The following ZFP36L1 variants were observed in gnomAD, a reference collection of about 807,000 sequenced individuals.
The protein encoded by ZFP36L1 is mRNA decay activator protein ZFP36L1.
ZFP36L1 carries 4 observed loss-of-function variants against 16.7 expected under a neutral mutation model. The ratio of observed to expected loss-of-function variants is 0.24; its 90% CI spans 0.12 to 0.55. ZFP36L1 has a LOEUF of 0.55. Among genes scored for constraint, ZFP36L1 ranks in the 20% least tolerant of loss-of-function variants. ZFP36L1 has a pLI of 0.94. For missense variants in ZFP36L1, 311 were observed against 449.2 expected (o/e 0.69, Z 2.78); for synonymous variants, 220 against 190.8 (o/e 1.15, Z -1.26).
intron 1 of ZFP36L1, among the ~76,000 whole-genome samples, chr14:68,792,097 G>A (rs1895091067): frequency 6.6e-6 from 1 of 152,112 alleles, no homozygotes; most frequent in African/African-American, 2.4e-5. Context: ...TTTCAACACT[G>A]GCTGACAAGC....
In ZFP36L1 at chr14:68,787,675, C is replaced by T. The variant is rs1020456767; in HGVS notation, c.*1858G>A. ...CCACCATCAATGTTTCTTGAAAAAA[C>T]GGGGTTTATTGATTTTTAAACTGCA... On this transcript the variant is annotated 3_prime_UTR_variant, in exon 2 of 2. Transcript: ENST00000439696. 2.6e-5 allele frequency: 4 copies of T among 152,330 alleles called. No homozygotes were observed. The highest frequency in any genetic ancestry group is 6.6e-5 in the Admixed American group (1 of 15,256). The allele number at this position is 152,330 out of a possible 1,614,324, so 9.4% of individuals were successfully genotyped here.
rs957069493 is a variant in ZFP36L1, at chr14:68,789,697, A to G, written c.853T>C (p.Ser285Pro). 1 of 1,613,958 alleles carries G rather than the reference A, an allele frequency of 6.2e-7. No individual in the cohort carries two copies. Among genetic ancestry groups the G allele is most frequent in the Non-Finnish European group, 8.5e-7 (1 of 1,179,980 alleles). The change falls in exon 2 of 2, where the codon TCC becomes CCC. Residue 285 changes from serine to proline, a missense_variant. Ser to Pro is a moderately conservative substitution (Grantham distance 74). This residue lies in a region of ZFP36L1 where 147 missense variants were observed against 192.0 expected (regional missense o/e 0.77). Coordinates refer to ENST00000439696, the MANE Select transcript of ZFP36L1 (RefSeq NM_004926.4). The surrounding 1 kb of genome is among the most constrained non-coding windows in gnomAD (Gnocchi z 4.5). ...TTFLFRPMSE[S>P]PHMFDSPPSP... The stretch of plus-strand genomic sequence containing the variant: ...GGGGGAGAGTCAAACATGTGAGGGG[A>G]CTCGGACATGGGCCGGAAGAGGAAG...
At chr14:68,791,233 C>T (rs1052739214) in intron 1 of ZFP36L1, 11 of 561,390 alleles carry the variant, frequency 2.0e-5, no homozygotes, top group Middle Eastern at 4.1e-4. Context: ...TGAGAAGATG[C>T]CTTTGCAATT....
chr14:68,792,067 T>C (rs538808932), intron 1 of ZFP36L1, among the ~76,000 whole-genome samples: 1 of 152,282 alleles, frequency 6.6e-6, no homozygotes, highest in African/African-American at 2.4e-5. Flanking sequence ...CCTGGAACAT[T>C]CCGAGTTTAA....
At chr14:68,792,819 G>A (rs2140212730) in intron 1 of ZFP36L1, 63 bp downstream of exon 1, 2 of 1,609,058 alleles carry the variant, frequency 1.2e-6, no homozygotes, top group Middle Eastern at 1.7e-4. Flanking sequence ...AAACTTTTGG[G>A]GGTTCTTTCT....
At chr14:68,792,293 A>T (rs1205242585) in intron 1 of ZFP36L1, among the ~76,000 whole-genome samples, 1 of 151,816 alleles carries the variant, frequency 6.6e-6, no homozygotes, top group Non-Finnish European at 1.5e-5. Context: ...ACGATCGGCT[A>T]TCGCGGGAAG....
intron 1 of ZFP36L1, among the ~76,000 whole-genome samples, chr14:68,792,614 C>CCCCAATCCCAGCCCTCCCCCCGAAGT (rs1895122997): frequency 6.6e-6 from 1 of 152,136 alleles, no homozygotes; most frequent in African/African-American, 2.4e-5. Flanking sequence ...CCCCCCGAAG[C>CCCCAATCCCAGCCCTCCCCCCGAAGT]CCCCGGGCTG....
At chr14:68,791,016 G>A (rs764497092) in intron 1 of ZFP36L1, 13 of 701,906 alleles carry the variant, frequency 1.9e-5, no homozygotes, top group South Asian at 1.8e-4. Flanking sequence ...TCCTTCAGAA[G>A]TGTTCCCTTC....
In ZFP36L1 at chr14:68,789,457, G is replaced by T. The variant is rs1238273578; in HGVS notation, c.*76C>A. 1.9e-6 allele frequency: 3 copies of T among 1,594,702 alleles called. No individual in the cohort carries two copies. The highest frequency in any genetic ancestry group is 4.5e-5 in the East Asian group (2 of 44,668). ...TGTAGGGCCTGTGGGGAATGGGATG[G>T]GTAGGGAGAAGAGGGTATGGGATGT... On this transcript the variant is annotated 3_prime_UTR_variant, in exon 2 of 2. Coordinates refer to ENST00000439696, the MANE Select transcript of ZFP36L1 (RefSeq NM_004926.4). This position sits in a 1 kb window ranked among gnomAD's most constrained non-coding sequence, Gnocchi z 4.5.
In ZFP36L1 at chr14:68,790,298, G is replaced by C. The variant is rs989744537; in HGVS notation, c.252C>G (p.Ser84Arg). The change falls in exon 2 of 2, where the codon AGC becomes AGG. Residue 84 changes from serine (S) to arginine (R), a missense_variant. This residue lies in a region of ZFP36L1 where 137 missense variants were observed against 142.6 expected (regional missense o/e 0.96). Transcript: ENST00000439696. ...CCGAGAAGGAGCGGTCTCGGAAGCGGCTGTCTCGCGAGCTCAGAGCGGGGG... is the reference window on the plus strand; with the variant it reads ...CCGAGAAGGAGCGGTCTCGGAAGCGCCTGTCTCGCGAGCTCAGAGCGGGGG... ...EPAPALSSRD[S>R]RFRDRSFSEG... The C allele has an allele frequency of 1.5e-5, 24 of 1,609,672 alleles. No homozygotes were observed. Among genetic ancestry groups the C allele is most frequent in the Non-Finnish European group, 2.0e-5 (23 of 1,179,244 alleles).
At chr14:68,791,550 CA>C (rs1895070216) in intron 1 of ZFP36L1, among the ~76,000 whole-genome samples, 1 of 151,646 alleles carries the variant, frequency 6.6e-6, no homozygotes, top group Admixed American at 6.6e-5. Context: ...TTAGGATCAG[CA>C]GGGGGGGACC....
upstream of ZFP36L1, chr14:68,795,953 G>A (rs1286329913): frequency 7.8e-7 from 1 of 1,281,712 alleles, no homozygotes; most frequent in Non-Finnish European, 1.1e-6. Context: ...GTGGCGGGAG[G>A]GCGGCCCTAC....
chr14:68,792,575 C>T (rs564795493), intron 1 of ZFP36L1, among the ~76,000 whole-genome samples: 1 of 152,234 alleles, frequency 6.6e-6, no homozygotes, highest in Non-Finnish European at 1.5e-5. Flanking sequence ...AAAACAGGAT[C>T]GCCCAAAACT....
rs559527536 is a variant in ZFP36L1 at position 68,788,119 on chromosome 14, T to A, written c.*1414A>T. ...AATCCAACAGTTTTTTGCATTTTTTTAAATTAATTTTTCATTTTTTTAAAA... is the reference window on the plus strand; with the variant it reads ...AATCCAACAGTTTTTTGCATTTTTTAAAATTAATTTTTCATTTTTTTAAAA... On this transcript the variant is annotated 3_prime_UTR_variant, in exon 2 of 2. Coordinates refer to ENST00000439696, the MANE Select transcript of ZFP36L1 (RefSeq NM_004926.4). The A allele has an allele frequency of 2.0e-5, 3 of 152,280 alleles. No homozygotes were observed. The highest frequency in any genetic ancestry group is 4.4e-5 in the Non-Finnish European group (3 of 68,024). The allele number at this position is 152,280 out of a possible 1,614,324, so 9.4% of individuals were successfully genotyped here.
In ZFP36L1 at chr14:68,787,930, CT is replaced by C. The variant is rs35263356; in HGVS notation, c.*1602del. On this transcript the variant is annotated 3_prime_UTR_variant, in exon 2 of 2. Transcript: ENST00000439696. ...GGCACGTGGAAGTCAAAGGGTTTCT[CT>C]TTTTTTTTTTTTCCCCTTTTAGAAG... The C allele has an allele frequency of 1.9e-3, 275 of 145,622 alleles. No individual in the cohort carries two copies. The highest frequency in any genetic ancestry group is 4.2e-3 in the African/African-American group (165 of 39,618). The allele number at this position is 145,622 out of a possible 1,614,324, so 9.0% of individuals were successfully genotyped here.
At chr14:68,792,026 A>T (rs186142854) in intron 1 of ZFP36L1, among the ~76,000 whole-genome samples, 2 of 152,358 alleles carry the variant, frequency 1.3e-5, no homozygotes, top group Admixed American at 1.3e-4. Context: ...CAACATCCAT[A>T]GACTTTTGCT....
Position 68,789,817 on chromosome 14 carries a change from C to G in ZFP36L1, c.733G>C (p.Asp245His). The G allele has an allele frequency of 6.2e-7, 1 of 1,612,550 alleles. No homozygotes were observed. The highest frequency in any genetic ancestry group is 8.5e-7 in the Non-Finnish European group (1 of 1,179,996). ...DDLLGSPTLPDGTNNPFAFSS... is the reference protein window; with the variant it reads ...DDLLGSPTLPHGTNNPFAFSS... ...AAGGCAAAAGGGTTATTGGTGCCAT[C>G]GGGCAGGGTAGGTGAGCCCAGGAGG... The change falls in exon 2 of 2, where the codon GAT (aspartate) becomes CAT (histidine). Residue 245 changes from aspartate to histidine, a missense_variant. Physicochemically the swap from Asp to His is moderately conservative, Grantham distance 81. Coordinates refer to ENST00000439696, the MANE Select transcript of ZFP36L1 (RefSeq NM_004926.4). The surrounding 1 kb of genome is among the most constrained non-coding windows in gnomAD (Gnocchi z 4.5).
chr14:68,789,922 C>T lies in ZFP36L1; in HGVS notation c.628G>A (p.Ala210Thr). 1 of 1,609,768 alleles carries T rather than the reference C, an allele frequency of 6.2e-7. No homozygotes were observed. Among genetic ancestry groups the T allele is most frequent in the South Asian group, 1.1e-5 (1 of 91,044 alleles). Residue 210 changes from alanine (A) to threonine (T), a missense_variant, in exon 2 of 2, where the codon GCC becomes ACC. Transcript: ENST00000439696. The surrounding 1 kb of genome is among the most constrained non-coding windows in gnomAD (Gnocchi z 4.5). ...HSFSFAGFPSAAATAAATGLL... is the reference protein window; with the variant it reads ...HSFSFAGFPSTAATAAATGLL... The stretch of plus-strand genomic sequence containing the variant: ...CCGGTGGCAGCGGCGGTGGCAGCGG[C>T]ACTGGGAAACCCAGCAAAGCTAAAG...
chr14:68,794,842 T>G (rs1895206125), upstream of ZFP36L1: 1 of 152,660 alleles, frequency 6.6e-6, no homozygotes, highest in Non-Finnish European at 1.5e-5. Context: ...TTTTCAACTT[T>G]GTGAAACCCA....
Sources: gnomAD v4.1 joint callset for allele counts (sites outside exome capture counted in the v4.1 genomes callset) on GRCh38, gnomAD v4.1.1 for gene constraint, gnomAD v4.1.1 regional missense constraint, Gnocchi (gnomAD v3.1) non-coding constraint, MANE v1.5 for transcripts, NCBI Gene and HGNC (gene_info 2026-07-23, HGNC 2026-07-21) for gene names.